EPHA6: variants seen among roughly 807,000 people sequenced by gnomAD.
EPHA6 encodes the protein ephrin type-A receptor 6.
In EPHA6, 50 loss-of-function variants were observed where a neutral mutation model predicts 112.0. That is an observed-to-expected ratio of 0.45 (90% CI 0.36 to 0.56). The LOEUF is 0.56. Among genes scored for constraint, EPHA6 ranks in the 20% least tolerant of loss-of-function variants. The pLI, the probability that EPHA6 is intolerant of heterozygous loss-of-function variation, is 0.00. For synonymous variants in EPHA6, 529 were observed against 490.7 expected (o/e 1.08, Z -1.03); for missense variants, 1,280 against 1,417.4 (o/e 0.90, Z 1.56).
chr3:97,166,860 A>T (rs749357450), intron 3 of EPHA6, among the ~76,000 whole-genome samples: 6 of 152,140 alleles, frequency 3.9e-5, no homozygotes, highest in Non-Finnish European at 8.8e-5. Context: ...CTGTTCAGGG[A>T]AACAGGGAAA....
chr3:97,648,433 T>C, intron 14 of EPHA6: 1 of 1,393,132 alleles, frequency 7.2e-7, no homozygotes, highest in Non-Finnish European at 9.3e-7. Context: ...GGGAAGGTAT[T>C]TAATGTGTAT....
Position 97,479,307 on chromosome 3 carries a change from A to G in EPHA6, c.2017A>G (p.Ile673Val). The change falls in exon 9 of 18, where the codon ATA becomes GTA. Residue 673 changes from isoleucine (I) to valine (V), a missense_variant. Physicochemically the swap from Ile to Val is conservative, Grantham distance 29. Around this residue, in one of 4 missense-constraint regions of EPHA6, gnomAD observed 878 missense variants for 999.7 expected, o/e 0.88. Transcript: ENST00000389672. ...FLITGRCQWY[I>V]KAKMKSEEKR... ...TCTTTTTAAAAGATGTCAGTGGTAC[A>G]TAAAAGCCAAGATGAAGTCAGAAGA... The G allele has an allele frequency of 1.2e-6, 2 of 1,602,378 alleles. No individual in the cohort carries two copies. Among genetic ancestry groups the G allele is most frequent in the Non-Finnish European group, 1.7e-6 (2 of 1,175,994 alleles).
At chr3:97,363,925 T>A (rs2084557281) in intron 5 of EPHA6, among the ~76,000 whole-genome samples, 1 of 152,130 alleles carries the variant, frequency 6.6e-6, no homozygotes, top group Non-Finnish European at 1.5e-5. Context: ...GGATGTATAA[T>A]TCCACTTATA....
intron 7 of EPHA6, among the ~76,000 whole-genome samples, chr3:97,465,970 T>C (rs1213504169): frequency 6.6e-6 from 1 of 152,014 alleles, no homozygotes; most frequent in Non-Finnish European, 1.5e-5. Flanking sequence ...CCCATTTGTT[T>C]TTTTTTCTTT....
At chr3:97,287,133 A>T (rs906963661) in intron 5 of EPHA6, among the ~76,000 whole-genome samples, 1 of 152,142 alleles carries the variant, frequency 6.6e-6, no homozygotes, top group South Asian at 2.1e-4. Context: ...CAGGTCTAAG[A>T]GTCTTTTGGT....
chr3:97,647,359 A>C (rs2094072882), intron 14 of EPHA6, among the ~76,000 whole-genome samples: 1 of 152,138 alleles, frequency 6.6e-6, no homozygotes, highest in Admixed American at 6.5e-5. Flanking sequence ...AGGCAACAAG[A>C]GTTGTAGCAG....
rs767152070 is a variant in EPHA6 at position 97,342,713 on chromosome 3, TTCTC to T, written c.1607-62431_1607-62428del. Among the ~76,000 whole-genome samples, 13 of 152,084 alleles carry T rather than the reference TTCTC, an allele frequency of 8.5e-5. No individual in the cohort carries two copies. The East Asian group carries it at 2.5e-3, about 29-fold the overall frequency. On this transcript the variant is annotated intron_variant, in intron 5 of 17. Transcript: ENST00000389672. The stretch of plus-strand genomic sequence containing the variant: ...CCTTGCCCTCTCTCTCTCTCTCTCT[TTCTC>T]TCTCTGTGTCCCTTTGTCCTATGCC...
intron 2 of EPHA6, among the ~76,000 whole-genome samples, chr3:96,897,123 C>T (rs2038315893): frequency 2.0e-5 from 3 of 151,542 alleles, no homozygotes; most frequent in Admixed American, 2.0e-4. Context: ...AATTTCATGC[C>T]AATTATATTT....
chr3:97,646,362 CAGTA>C, intron 14 of EPHA6: 1 of 1,185,412 alleles, frequency 8.4e-7, no homozygotes, highest in South Asian at 2.2e-5. Flanking sequence ...ATATATAAGA[CAGTA>C]TTGTCCACAT....
chr3:97,130,448 G>A (rs1661974260), intron 3 of EPHA6, among the ~76,000 whole-genome samples: 1 of 151,884 alleles, frequency 6.6e-6, no homozygotes, highest in Non-Finnish European at 1.5e-5. Context: ...TAATGATTTT[G>A]TTTTTTAATA....
Position 97,269,407 on chromosome 3 carries a change from C to A in EPHA6, c.1606+25120C>A, listed in dbSNP as rs192535592. On this transcript the variant is annotated intron_variant, in intron 5 of 17. Coordinates refer to ENST00000389672, the MANE Select transcript of EPHA6 (RefSeq NM_001080448.3). Reference sequence around the variant, plus strand: ...ACAATTTCTATGGGCTGTTTCTCAACCTTTAACATGCATATGAATCACCTG... The same window carrying A: ...ACAATTTCTATGGGCTGTTTCTCAAACTTTAACATGCATATGAATCACCTG... Among the ~76,000 whole-genome samples, 351 of 152,270 alleles carry A rather than the reference C, an allele frequency of 2.3e-3. 2 individuals carry two copies. Among genetic ancestry groups the A allele is most frequent in the African/African-American group, 7.8e-3 (323 of 41,540 alleles).
intron 1 of EPHA6, 133 bp downstream of exon 1, chr3:96,815,141 A>G (rs2107185254): frequency 1.2e-6 from 1 of 860,192 alleles, no homozygotes; most frequent in Non-Finnish European, 1.7e-6. Flanking sequence ...GAGGGGATCG[A>G]GGATGTCCCC....
At chr3:96,822,776 T>A (rs2033364612) in intron 1 of EPHA6, among the ~76,000 whole-genome samples, 1 of 150,986 alleles carries the variant, frequency 6.6e-6, no homozygotes, top group Admixed American at 6.6e-5. Flanking sequence ...TTCAGGTGAC[T>A]GTACTATAAT....
intron 3 of EPHA6, among the ~76,000 whole-genome samples, chr3:97,046,124 A>G (rs1294843243): frequency 6.6e-6 from 1 of 152,172 alleles, no homozygotes; most frequent in African/African-American, 2.4e-5. Flanking sequence ...ACACAAGGGT[A>G]GTATAAAAAG....
At chr3:97,553,718 AG>A (rs1007952100) in intron 11 of EPHA6, among the ~76,000 whole-genome samples, 2 of 152,108 alleles carry the variant, frequency 1.3e-5, no homozygotes, top group African/African-American at 4.8e-5. Context: ...GGGGACATAG[AG>A]TCAAACCATA....
At chr3:97,216,965 A>G (rs1030298972) in intron 3 of EPHA6, among the ~76,000 whole-genome samples, 4 of 152,212 alleles carry the variant, frequency 2.6e-5, no homozygotes, top group Non-Finnish European at 5.9e-5. Flanking sequence ...ACTATCTGAG[A>G]TAAGAAAACT....
intron 9 of EPHA6, among the ~76,000 whole-genome samples, chr3:97,482,305 A>G (rs893612482): frequency 5.9e-5 from 9 of 152,226 alleles, no homozygotes; most frequent in South Asian, 2.1e-4. Flanking sequence ...GATATCACTA[A>G]TAATTAGTAG....
rs528653274 is a variant in EPHA6, at chr3:97,584,924, C to T, written c.2387-7688C>T. ...TGAAAGAGAAGATAAATAACTTATCCAAGATTAATCAGTTAGTGAATGGTA... is the reference window on the plus strand; with the variant it reads ...TGAAAGAGAAGATAAATAACTTATCTAAGATTAATCAGTTAGTGAATGGTA... On this transcript the variant is annotated intron_variant, in intron 11 of 17. Coordinates refer to ENST00000389672, the MANE Select transcript of EPHA6 (RefSeq NM_001080448.3). Among the ~76,000 whole-genome samples, 25 of 152,280 alleles carry T rather than the reference C, an allele frequency of 1.6e-4. No individual in the cohort carries two copies. The South Asian group carries it at 4.8e-3, about 29-fold the overall frequency.
chr3:97,444,886 T>G (rs1477359666), intron 6 of EPHA6, among the ~76,000 whole-genome samples: 1 of 152,028 alleles, frequency 6.6e-6, no homozygotes, highest in Non-Finnish European at 1.5e-5. Context: ...AACGAAAGAT[T>G]CAGTGTGACA....
Sources: allele counts gnomAD v4.1 joint callset (sites outside exome capture counted in the v4.1 genomes callset), GRCh38; gene constraint gnomAD v4.1.1; regional missense constraint gnomAD v4.1.1; transcripts MANE v1.5; gene names NCBI Gene and HGNC (gene_info 2026-07-23, HGNC 2026-07-21).